PRORP: variants seen among roughly 807,000 people sequenced by gnomAD.
PRORP encodes the protein protein only RNase P catalytic subunit, also known as mitochondrial ribonuclease P catalytic subunit.
In PRORP, 51 loss-of-function variants were observed where a neutral mutation model predicts 59.4. That is an observed-to-expected ratio of 0.86 (90% confidence interval 0.69 to 1.08). The LOEUF (loss-of-function observed/expected upper bound fraction) is 1.08. Ranked by LOEUF, PRORP falls within the 50% of genes least tolerant of loss-of-function variation. The pLI, the probability that PRORP is intolerant of heterozygous loss-of-function variation, is 0.00. For synonymous variants in PRORP, 231 were observed against 245.6 expected, an observed-to-expected ratio of 0.94 and a Z score of 0.55; for missense variants, 646 against 690.3, an observed-to-expected ratio of 0.94 and a Z score of 0.72.
At chr14:35,169,314 CTGTGTGTATATGTGTGTGTA>C (rs1426786249) in intron 4 of PRORP, among the ~76,000 whole-genome samples, 8 of 151,650 alleles carry the variant, frequency 5.3e-5, no homozygotes, top group South Asian at 2.1e-4. Context: ...AAGTGTGTGT[CTGTGTGTATATGTGTGTGTA>C]TGTGTGTATC....
chr14:35,275,217 A>G lies in PRORP; in HGVS notation c.*1651A>G, dbSNP rs888863125. The G allele has an allele frequency of 3.1e-4, 47 of 152,208 alleles. No homozygotes were observed. Among genetic ancestry groups the G allele is most frequent in the African/African-American group, 1.1e-3 (45 of 41,452 alleles). 9.4% of individuals were successfully genotyped at this position (152,208 alleles called of 1,614,324 possible). ...AATTGATATATTTACATTTATGACA[A>G]TATACCTCAAAGTAAGTTAGGGTAA... On this transcript the variant is annotated 3_prime_UTR_variant, in exon 8 of 8. Coordinates refer to ENST00000534898, the MANE Select transcript of PRORP (RefSeq NM_014672.4).
chr14:35,271,762 C>CACCT (rs1418888684), intron 7 of PRORP, among the ~76,000 whole-genome samples: 1 of 152,152 alleles, frequency 6.6e-6, no homozygotes, highest in African/African-American at 2.4e-5. Flanking sequence ...TGATGGCTCA[C>CACCT]ACCTGTAATC....
intron 5 of PRORP, among the ~76,000 whole-genome samples, chr14:35,205,921 AC>A (rs1162429291): frequency 1.3e-5 from 2 of 151,764 alleles, no homozygotes; most frequent in Admixed American, 1.3e-4. Context: ...TGTGCACTTG[AC>A]CCCTCCTATG....
At chr14:35,200,198 G>GT (rs1007089410) in intron 5 of PRORP, among the ~76,000 whole-genome samples, 7 of 147,284 alleles carry the variant, frequency 4.8e-5, no homozygotes, top group African/African-American at 1.3e-4. Flanking sequence ...TTGTTTGTTT[G>GT]TTTTTTTCTT....
At chr14:35,243,363 C>T (rs1444149471) in intron 5 of PRORP, among the ~76,000 whole-genome samples, 1 of 151,946 alleles carries the variant, frequency 6.6e-6, no homozygotes, top group East Asian at 1.9e-4. Flanking sequence ...GTGAGACTCT[C>T]ATCTCTATAA....
chr14:35,230,370 T>C (rs2050046485), intron 5 of PRORP, among the ~76,000 whole-genome samples: 1 of 152,160 alleles, frequency 6.6e-6, no homozygotes, highest in South Asian at 2.1e-4. Flanking sequence ...TAAATTCTGA[T>C]AGAGATGGGG....
intron 4 of PRORP, among the ~76,000 whole-genome samples, chr14:35,169,887 T>C (rs1332538186): frequency 6.6e-6 from 1 of 152,230 alleles, no homozygotes; most frequent in Non-Finnish European, 1.5e-5. Context: ...GATTTTTATC[T>C]ACTTGTTCAA....
chr14:35,253,208 C>T (rs1163441765), intron 5 of PRORP, among the ~76,000 whole-genome samples: 1 of 151,802 alleles, frequency 6.6e-6, no homozygotes, highest in Non-Finnish European at 1.5e-5. Flanking sequence ...CTGGTGTGCA[C>T]CTATAGTCCC....
intron 5 of PRORP, chr14:35,262,343 C>T (rs937496387): frequency 6.6e-6 from 2 of 302,318 alleles, no homozygotes; most frequent in Non-Finnish European, 1.3e-5. Context: ...ATCCATGAAT[C>T]AAAGTTTACT....
chr14:35,162,016 G>T (rs59708026), intron 4 of PRORP, among the ~76,000 whole-genome samples: 9,161 of 152,006 alleles, frequency 0.06, 453 homozygotes, highest in African/African-American at 0.14. Flanking sequence ...TTTCTAGATT[G>T]AAAAATAGGT....
At chr14:35,152,877 G>A (rs918140110) in intron 4 of PRORP, among the ~76,000 whole-genome samples, 1 of 151,598 alleles carries the variant, frequency 6.6e-6, no homozygotes, top group Admixed American at 6.6e-5. Context: ...CGGGATGGCG[G>A]CTGGGAAGAG....
intron 5 of PRORP, among the ~76,000 whole-genome samples, chr14:35,187,845 T>C (rs2048777200): frequency 6.7e-6 from 1 of 148,810 alleles, no homozygotes; most frequent in African/African-American, 2.5e-5. Flanking sequence ...TTATTTTCTT[T>C]TCTTTTTTTT....
rs1190057461 is a variant in PRORP, at chr14:35,144,570, A to T, written c.1167+16959A>T. On this transcript the variant is annotated intron_variant, in intron 4 of 7. Coordinates refer to ENST00000534898, the MANE Select transcript of PRORP (RefSeq NM_014672.4). ...TATGGTATGGCGTTTTGGTAGAAGC[A>T]TATGAAGAAAATGAAAGCTCATGGA... The T allele has an allele frequency of 2.1e-5, 3 of 146,024 alleles. 1 individual carries two copies. Among genetic ancestry groups the T allele is most frequent in the Non-Finnish European group, 4.6e-5 (3 of 65,694 alleles). 9.0% of individuals were successfully genotyped at this position (146,024 alleles called of 1,614,324 possible).
intron 5 of PRORP, among the ~76,000 whole-genome samples, chr14:35,183,474 A>G (rs968083734): frequency 5.9e-5 from 9 of 152,140 alleles, no homozygotes; most frequent in Non-Finnish European, 1.0e-4. Context: ...GATGTACAAT[A>G]ATTTTTAAAT....
At chr14:35,232,672 TCTC>T (rs1215409071) in intron 5 of PRORP, among the ~76,000 whole-genome samples, 3 of 151,804 alleles carry the variant, frequency 2.0e-5, no homozygotes, top group East Asian at 3.9e-4. Flanking sequence ...TACCATTCCT[TCTC>T]CTTCCTCTTT....
At chr14:35,195,924 A>G (rs1446611588) in intron 5 of PRORP, among the ~76,000 whole-genome samples, 1 of 152,222 alleles carries the variant, frequency 6.6e-6, no homozygotes, top group Non-Finnish European at 1.5e-5. Flanking sequence ...TATGACTTTA[A>G]GAAACATATG....
chr14:35,184,841 A>G (rs2048704098), intron 5 of PRORP, among the ~76,000 whole-genome samples: 1 of 152,186 alleles, frequency 6.6e-6, no homozygotes, highest in African/African-American at 2.4e-5. Context: ...ATGTTCCTAC[A>G]AAAGACATGA....
At chr14:35,158,405 C>T in intron 4 of PRORP, 1 of 304,450 alleles carries the variant, frequency 3.3e-6, no homozygotes, top group Non-Finnish European at 6.5e-6. Context: ...AACCCTTTTG[C>T]CATTAAGTTC....
chr14:35,124,955 C>CA (rs2047061223), intron 2 of PRORP, among the ~76,000 whole-genome samples: 1 of 149,796 alleles, frequency 6.7e-6, no homozygotes, highest in African/African-American at 2.5e-5. Flanking sequence ...GTAACCTTTG[C>CA]CTCCCGGGTT....
Sources: allele counts gnomAD v4.1 joint callset (sites outside exome capture counted in the v4.1 genomes callset), GRCh38; gene constraint gnomAD v4.1.1; transcripts MANE v1.5; gene names NCBI Gene and HGNC (gene_info 2026-07-23, HGNC 2026-07-21).